SMC1B: variants seen among roughly 807,000 people sequenced by gnomAD.
The protein encoded by SMC1B is structural maintenance of chromosomes 1B.
A neutral mutation model predicts 157.9 loss-of-function variants in SMC1B; 60 were observed. The ratio of observed to expected loss-of-function variants is 0.38; its 90% CI spans 0.31 to 0.47. SMC1B has a LOEUF of 0.47. Among genes scored for constraint, SMC1B ranks in the 20% least tolerant of loss-of-function variants. The probability of loss-of-function intolerance (pLI) is 0.99; values close to 1 mark genes in which losing one functional copy is unlikely to be tolerated. For missense variants in SMC1B, 1,165 were observed against 1,426.2 expected, an observed-to-expected ratio of 0.82 and a Z score of 2.95; for synonymous variants, 445 against 483.0, an observed-to-expected ratio of 0.92 and a Z score of 1.03.
At chr22:45,352,913 G>GT (rs1238352894) in intron 21 of SMC1B, among the ~76,000 whole-genome samples, 2 of 152,120 alleles carry the variant, frequency 1.3e-5, no homozygotes, top group African/African-American at 2.4e-5. Flanking sequence ...TCACTGATAC[G>GT]TTCATCAAAC....
At chr22:45,403,959 T>A (rs1050527185) in intron 4 of SMC1B, among the ~76,000 whole-genome samples, 4 of 151,798 alleles carry the variant, frequency 2.6e-5, no homozygotes, top group African/African-American at 9.7e-5. Flanking sequence ...TTGTTTGTTT[T>A]GAGACAGAGT....
chr22:45,364,752 C>G (rs2086756537), intron 15 of SMC1B, among the ~76,000 whole-genome samples: 2 of 152,090 alleles, frequency 1.3e-5, no homozygotes, highest in African/African-American at 4.8e-5. Flanking sequence ...TTTCCTTTCC[C>G]CCAACTAGCT....
At chr22:45,375,972 T>A (rs971506855) in intron 12 of SMC1B, among the ~76,000 whole-genome samples, 2 of 152,226 alleles carry the variant, frequency 1.3e-5, no homozygotes, top group African/African-American at 4.8e-5. Flanking sequence ...ATATGTTACA[T>A]AGAACTGAGC....
chr22:45,380,262 T>A (rs574641178), intron 12 of SMC1B, among the ~76,000 whole-genome samples: 1 of 152,342 alleles, frequency 6.6e-6, no homozygotes, highest in South Asian at 2.1e-4. Flanking sequence ...TTAGCATTGC[T>A]TCTATAACCT....
chr22:45,372,079 A>G, intron 13 of SMC1B, 76 bp downstream of exon 13: 1 of 1,234,948 alleles, frequency 8.1e-7, no homozygotes, highest in Non-Finnish European at 1.1e-6. Context: ...AATTACATGG[A>G]GCTATATAAA....
chr22:45,400,650 C>T (rs931300220), intron 5 of SMC1B, among the ~76,000 whole-genome samples: 3 of 152,130 alleles, frequency 2.0e-5, no homozygotes, highest in Admixed American at 1.3e-4. Context: ...ATAGTGACTT[C>T]CTCTCAAAGA....
Position 45,408,816 on chromosome 22 carries a change from G to A in SMC1B, c.192C>T (p.Leu64=). 6.3e-7 allele frequency: 1 copy of A among 1,575,600 alleles called. No homozygotes were observed. The change falls in exon 2 of 25, where the codon CTC becomes CTT. Residue 64 remains leucine, a synonymous_variant. Transcript: ENST00000357450. ...ANLRVKNIQE[L]IHGAHIGKPI... ...GTTTTCCAATATGTGCTCCATGAATGAGTTCTTGAATATTTTTCACTCTTA... is the reference window on the plus strand; with the variant it reads ...GTTTTCCAATATGTGCTCCATGAATAAGTTCTTGAATATTTTTCACTCTTA...
chr22:45,406,658 A>G lies in SMC1B; in HGVS notation c.417T>C (p.Thr139=), dbSNP rs780736355. 3 of 1,607,646 alleles carry G rather than the reference A, an allele frequency of 1.9e-6. No homozygotes were observed. The highest frequency in any genetic ancestry group is 4.5e-5 in the East Asian group (2 of 44,822). ...KAQNCLVFQG[T]VESISVKKPK... is the part of the protein sequence containing the mutation. ...GTTTCTTCACTGAAATTGACTCTAC[A>G]GTTCCCTTTTAAAAACAGTAATGCA... The change falls in exon 4 of 25, where the codon ACT becomes ACC. Residue 139 remains threonine (T), a synonymous_variant. Transcript: ENST00000357450.
chr22:45,410,911 G>A (rs1030809080), intron 1 of SMC1B, among the ~76,000 whole-genome samples: 7 of 152,084 alleles, frequency 4.6e-5, no homozygotes, highest in African/African-American at 1.7e-4. Flanking sequence ...TTGGGTTAAT[G>A]GATAATCTGC....
intron 19 of SMC1B, among the ~76,000 whole-genome samples, chr22:45,356,496 A>C (rs2086671074): frequency 6.6e-6 from 1 of 152,218 alleles, no homozygotes. Context: ...GCCTTTCTCC[A>C]AAGATGATTT....
At chr22:45,408,601 A>T in intron 2 of SMC1B, 109 bp downstream of exon 2, 1 of 671,416 alleles carries the variant, frequency 1.5e-6, no homozygotes, top group Non-Finnish European at 2.4e-6. Flanking sequence ...AAAGAACTCT[A>T]GTTCATTACA....
chr22:45,413,101 G>A (rs1436480051), intron 1 of SMC1B, among the ~76,000 whole-genome samples: 2 of 152,104 alleles, frequency 1.3e-5, no homozygotes, highest in East Asian at 1.9e-4. Flanking sequence ...GGCGAGGGCC[G>A]GAGCTGAGGT....
At chr22:45,372,656 C>T (rs2086845129) in intron 12 of SMC1B, among the ~76,000 whole-genome samples, 1 of 150,670 alleles carries the variant, frequency 6.6e-6, no homozygotes. Context: ...TCTTCTTTCA[C>T]TCACCTTATT....
chr22:45,402,669 GTTTA>G lies in SMC1B; in HGVS notation c.616-102_616-99del, dbSNP rs2087210962. 1.2e-5 allele frequency: 10 copies of G among 819,998 alleles called. No homozygotes were observed. In the South Asian group the frequency reaches 1.3e-4, roughly 11 times the overall value. The allele number at this position is 819,998 out of a possible 1,614,324, so 50.8% of individuals were successfully genotyped here. On this transcript the variant is annotated intron_variant, in intron 4 of 24. Coordinates refer to ENST00000357450, the MANE Select transcript of SMC1B (RefSeq NM_148674.5). ...TATACCAACAAATTAACTAATGAATGTTTATTTATTAGGACATAATGTTCTTGCC... is the reference window on the plus strand; with the variant it reads ...TATACCAACAAATTAACTAATGAATGTTTATTAGGACATAATGTTCTTGCC...
At chr22:45,389,640 T>C (rs1319319419) in intron 10 of SMC1B, 72 bp downstream of exon 10, 9 of 1,363,014 alleles carry the variant, frequency 6.6e-6, no homozygotes, top group African/African-American at 1.5e-5. Context: ...ATCATAGTTT[T>C]AGGCAATAAG....
At chr22:45,379,618 T>G (rs944789305) in intron 12 of SMC1B, among the ~76,000 whole-genome samples, 1 of 152,202 alleles carries the variant, frequency 6.6e-6, no homozygotes, top group Non-Finnish European at 1.5e-5. Context: ...TTCTCTCCAC[T>G]TCTAATTCCT....
At position 45,399,087 on chromosome 22, in the gene SMC1B, T is replaced by G; in HGVS notation, c.1113+8A>C. 6.2e-7 allele frequency: 1 copy of G among 1,607,746 alleles called. No homozygotes were observed. The highest frequency in any genetic ancestry group is 8.5e-7 in the Non-Finnish European group (1 of 1,178,558). Reference sequence around the variant, plus strand: ...ACACAAGATTTCCCCTAAGTTGTCCTTTTTTACCTGACTGGCTTCCAGTTC... The same window carrying G: ...ACACAAGATTTCCCCTAAGTTGTCCGTTTTTACCTGACTGGCTTCCAGTTC... On this transcript the variant is annotated splice_region_variant and intron_variant, in intron 6 of 24. Transcript: ENST00000357450.
At chr22:45,392,684 T>C (rs1273992676) in intron 9 of SMC1B, among the ~76,000 whole-genome samples, 2 of 152,030 alleles carry the variant, frequency 1.3e-5, no homozygotes, top group Non-Finnish European at 2.9e-5. Flanking sequence ...AAAGTGTGGA[T>C]ATGGAGGCCA....
chr22:45,378,520 G>T (rs2146807074), intron 12 of SMC1B, among the ~76,000 whole-genome samples: 1 of 152,066 alleles, frequency 6.6e-6, no homozygotes, highest in South Asian at 2.1e-4. Context: ...CGAAATAGAT[G>T]TTATTATTAT....
Sources: allele counts gnomAD v4.1 joint callset (sites outside exome capture counted in the v4.1 genomes callset), GRCh38; gene constraint gnomAD v4.1.1; transcripts MANE v1.5; gene names NCBI Gene and HGNC (gene_info 2026-07-23, HGNC 2026-07-21).